The following EXOC6B variants were observed in gnomAD, a reference collection of about 807,000 sequenced individuals.
EXOC6B encodes the protein SEC15 homolog B.
A neutral mutation model predicts 113.5 loss-of-function variants in EXOC6B; 54 were observed. The ratio of observed to expected loss-of-function variants is 0.48; its 90% confidence interval spans 0.38 to 0.60. The LOEUF (loss-of-function observed/expected upper bound fraction) is 0.60, where lower values mean the gene tolerates loss of function less well. Ranked by LOEUF, EXOC6B falls within the 20% of genes least tolerant of loss-of-function variation. The pLI is 0.00. For synonymous variants in EXOC6B, 357 were observed against 339.0 expected (o/e 1.05, Z -0.58); for missense variants, 797 against 977.5 (o/e 0.82, Z 2.46).
chr2:72,413,740 G>T (rs543555450), intron 18 of EXOC6B, among the ~76,000 whole-genome samples: 2 of 152,000 alleles, frequency 1.3e-5, no homozygotes, highest in South Asian at 4.2e-4. Context: ...GCTGTTCCAG[G>T]TTGGTCTCGA....
At chr2:72,603,310 C>T (rs768141567) in intron 6 of EXOC6B, among the ~76,000 whole-genome samples, 56 of 151,980 alleles carry the variant, frequency 3.7e-4, no homozygotes, top group Non-Finnish European at 6.6e-4. Context: ...GATGGAAGTA[C>T]CGTAAACACT....
chr2:72,307,911 A>G (rs555750788), intron 20 of EXOC6B, among the ~76,000 whole-genome samples: 13 of 152,328 alleles, frequency 8.5e-5, no homozygotes, highest in Admixed American at 2.0e-4. Flanking sequence ...CAAAGAGTAA[A>G]CTTAATAAAA....
intron 6 of EXOC6B, among the ~76,000 whole-genome samples, chr2:72,701,346 A>AC (rs1366316939): frequency 6.6e-5 from 10 of 151,978 alleles, no homozygotes; most frequent in Admixed American, 5.2e-4. Context: ...ATCTTCAAAA[A>AC]AAAAAAAAAA....
chr2:72,489,173 T>A (rs1369975662), intron 16 of EXOC6B, among the ~76,000 whole-genome samples: 1 of 152,234 alleles, frequency 6.6e-6, no homozygotes, highest in African/African-American at 2.4e-5. Flanking sequence ...ACCCAGGTGC[T>A]TTTTCTTCTC....
chr2:72,185,284 G>A (rs2104234109), intron 20 of EXOC6B, among the ~76,000 whole-genome samples: 1 of 152,370 alleles, frequency 6.6e-6, no homozygotes. Flanking sequence ...AGAGGGCCAA[G>A]AGTGCAGTCA....
intron 1 of EXOC6B, among the ~76,000 whole-genome samples, chr2:72,785,326 G>A (rs1684308956): frequency 6.6e-6 from 1 of 152,220 alleles, no homozygotes. Context: ...GGGGTCTGGA[G>A]GACAGTGGCT....
intron 20 of EXOC6B, among the ~76,000 whole-genome samples, chr2:72,333,443 C>T (rs966371878): frequency 6.6e-6 from 1 of 152,112 alleles, no homozygotes; most frequent in Non-Finnish European, 1.5e-5. Flanking sequence ...AATTCAATTT[C>T]TACTTTCCAA....
intron 1 of EXOC6B, among the ~76,000 whole-genome samples, chr2:72,760,134 C>A (rs539279153): frequency 6.6e-6 from 1 of 152,204 alleles, no homozygotes; most frequent in South Asian, 2.1e-4. Flanking sequence ...TTTGTTTACC[C>A]TTCCTCTCAT....
intron 5 of EXOC6B, among the ~76,000 whole-genome samples, chr2:72,726,854 T>C (rs1680330476): frequency 6.6e-6 from 1 of 152,156 alleles, no homozygotes; most frequent in South Asian, 2.1e-4. Context: ...GATCTATGAA[T>C]TCAATCAACT....
intron 20 of EXOC6B, among the ~76,000 whole-genome samples, chr2:72,205,973 A>G (rs908575679): frequency 6.6e-6 from 1 of 152,220 alleles, no homozygotes; most frequent in Non-Finnish European, 1.5e-5. Context: ...GAGAAGAAAC[A>G]GAATGGATTC....
At chr2:72,643,976 G>C (rs1288465035) in intron 6 of EXOC6B, among the ~76,000 whole-genome samples, 2 of 152,100 alleles carry the variant, frequency 1.3e-5, no homozygotes, top group East Asian at 3.9e-4. Flanking sequence ...GTAGACTTCA[G>C]AAGGTCGGTA....
chr2:72,185,542 G>A (rs182826700), intron 20 of EXOC6B, among the ~76,000 whole-genome samples: 9 of 152,330 alleles, frequency 5.9e-5, no homozygotes, highest in Admixed American at 4.6e-4. Flanking sequence ...GAGAAGGAGT[G>A]GGGGAGAGAC....
intron 7 of EXOC6B, among the ~76,000 whole-genome samples, chr2:72,559,964 G>T (rs376295178): frequency 2.0e-5 from 3 of 152,164 alleles, no homozygotes; most frequent in East Asian, 3.8e-4. Flanking sequence ...ATCACGGCCT[G>T]CCAGCCAACT....
At chr2:72,410,759 A>T (rs964079207) in intron 18 of EXOC6B, among the ~76,000 whole-genome samples, 8 of 152,168 alleles carry the variant, frequency 5.3e-5, no homozygotes, top group African/African-American at 1.9e-4. Context: ...TTTGTTTTTG[A>T]TTTATAGATA....
At chr2:72,630,527 C>A (rs1672320529) in intron 6 of EXOC6B, among the ~76,000 whole-genome samples, 1 of 152,134 alleles carries the variant, frequency 6.6e-6, no homozygotes, top group South Asian at 2.1e-4. Flanking sequence ...AAAACCTGTC[C>A]TAATAAAACC....
intron 20 of EXOC6B, among the ~76,000 whole-genome samples, chr2:72,311,676 A>G (rs1687192834): frequency 6.6e-6 from 1 of 152,148 alleles, no homozygotes; most frequent in South Asian, 2.1e-4. Flanking sequence ...CCTAGGGATT[A>G]AGATGTTGAC....
intron 18 of EXOC6B, among the ~76,000 whole-genome samples, chr2:72,425,350 T>A (rs1695144197): frequency 6.6e-6 from 1 of 152,214 alleles, no homozygotes; most frequent in African/African-American, 2.4e-5. Flanking sequence ...TAAGATGCTT[T>A]GTTAGTTTTA....
chr2:72,711,687 T>C (rs1320965443), intron 6 of EXOC6B, among the ~76,000 whole-genome samples: 1 of 152,190 alleles, frequency 6.6e-6, no homozygotes, highest in Non-Finnish European at 1.5e-5. Flanking sequence ...ATCATTACTC[T>C]TGCACTTTGG....
intron 6 of EXOC6B, among the ~76,000 whole-genome samples, chr2:72,600,346 G>A (rs985016352): frequency 6.6e-6 from 1 of 151,022 alleles, no homozygotes; most frequent in African/African-American, 2.4e-5. Context: ...GGAGGATGAG[G>A]TGGGCGTTTC....
Sources: allele counts gnomAD v4.1 joint callset (sites outside exome capture counted in the v4.1 genomes callset), GRCh38; gene constraint gnomAD v4.1.1; transcripts MANE v1.5; gene names NCBI Gene and HGNC (gene_info 2026-07-23, HGNC 2026-07-21).